SLC25A48: variants seen among roughly 807,000 people sequenced by gnomAD.
SLC25A48 encodes CTC-321K16.1.
A neutral mutation model predicts 32.2 loss-of-function variants in SLC25A48; 29 were observed. The observed-to-expected ratio is 0.90, with a 90% CI of 0.67 to 1.23. SLC25A48 has a LOEUF of 1.23. Ranked by LOEUF, SLC25A48 falls within the 50% of genes most tolerant of loss-of-function variation. The pLI, the probability that SLC25A48 is intolerant of heterozygous loss-of-function variation, is 0.00. For synonymous variants in SLC25A48, 164 were observed against 172.3 expected, an observed-to-expected ratio of 0.95 and a Z score of 0.38; for missense variants, 399 against 422.7, an observed-to-expected ratio of 0.94 and a Z score of 0.49.
At chr5:135,719,275 C>T (rs536643693) in intron 3 of SLC25A48, among the ~76,000 whole-genome samples, 1 of 152,298 alleles carries the variant, frequency 6.6e-6, no homozygotes, top group East Asian at 1.9e-4. Flanking sequence ...TTTCCTAGAA[C>T]CCACTCTCTC....
In SLC25A48 at chr5:135,852,723, T is replaced by G; in HGVS notation, c.323T>G (p.Leu108Arg). 6.2e-7 allele frequency: 1 copy of G among 1,614,152 alleles called. No homozygotes were observed. The highest frequency in any genetic ancestry group is 8.5e-7 in the Non-Finnish European group (1 of 1,180,036). Residue 108 changes from leucine to arginine, a missense_variant, in exon 4 of 8, where the codon CTG (leucine) becomes CGG (arginine). Coordinates refer to ENST00000681962, the MANE Select transcript of SLC25A48 (RefSeq NM_001349336.2). ...CCCCGCACGCTGTCAGACCTGCTCC[T>G]GGCCAGCATGGTGGCCGGCGTGGTC... The part of the protein sequence containing the change: ...SPPRTLSDLL[L>R]ASMVAGVVSV...
At position 135,781,392 on chromosome 5, in the gene SLC25A48, G is replaced by A. The variant is rs1282175634; in HGVS notation, c.-520-31131G>A. ...TGTGATCTGGTTCATAATATACAGG[G>A]GGTAGAGGATGATATTACACCCAAC... On this transcript the variant is annotated intron_variant, in intron 3 of 10. Transcript: ENST00000646290. 5.1e-5 allele frequency among the ~76,000 whole-genome samples: 6 copies of A among 116,932 alleles called. 1 individual carries two copies. The highest frequency in any genetic ancestry group is 1.6e-4 in the African/African-American group (6 of 38,410). The allele number at this position is 116,932 out of a possible 152,430, so 76.7% of individuals were successfully genotyped here.
At chr5:135,746,364 A>C (rs1273931787) in intron 3 of SLC25A48, 1 of 163,866 alleles carries the variant, frequency 6.1e-6, no homozygotes, top group African/African-American at 2.4e-5. Flanking sequence ...GAAAGTCTGC[A>C]CAGAGACAAG....
At chr5:135,622,217 A>T (rs1240835634) in intron 1 of SLC25A48, among the ~76,000 whole-genome samples, 1 of 152,216 alleles carries the variant, frequency 6.6e-6, no homozygotes, top group African/African-American at 2.4e-5. Context: ...GCACTTTGAT[A>T]TTCAGGGGAT....
intron 3 of SLC25A48, among the ~76,000 whole-genome samples, chr5:135,645,978 C>T (rs187253880): frequency 4.6e-5 from 7 of 152,094 alleles, no homozygotes; most frequent in Non-Finnish European, 5.9e-5. Context: ...ATAAGATGGC[C>T]ACAGGAATTC....
chr5:135,864,016 C>T (rs1185322152), intron 4 of SLC25A48, among the ~76,000 whole-genome samples: 1 of 152,100 alleles, frequency 6.6e-6, no homozygotes, highest in Non-Finnish European at 1.5e-5. Context: ...ATACTGAAGA[C>T]CATATGGATA....
rs551736129 is a variant in SLC25A48, at chr5:135,721,391, T to TG, written c.-521+86439dup. Among the ~76,000 whole-genome samples, 825 of 151,718 alleles carry TG rather than the reference T, an allele frequency of 5.4e-3. 11 individuals are homozygous for TG. The highest frequency in any genetic ancestry group is 0.019 in the African/African-American group (792 of 41,370). On this transcript the variant is annotated intron_variant, in intron 3 of 10. Coordinates refer to the SLC25A48 transcript ENST00000646290. ...TAATTTTTTGTATTTTTAGTAGAGA[T>TG]GGGGTTTTCCCATGTTGGCCAGGCT...
chr5:135,800,625 T>C lies in SLC25A48; in HGVS notation c.-520-11898T>C, dbSNP rs139942781. On this transcript the variant is annotated intron_variant, in intron 3 of 10. Coordinates refer to the SLC25A48 transcript ENST00000646290. ...ACACCCACCCTCCCGGGTGATGTTGTTTCTAATATCCAGAGGGGAGAATAT... is the reference window on the plus strand; with the variant it reads ...ACACCCACCCTCCCGGGTGATGTTGCTTCTAATATCCAGAGGGGAGAATAT... 9.1e-4 allele frequency among the ~76,000 whole-genome samples: 138 copies of C among 151,874 alleles called. 1 individual carries two copies. In the East Asian group the frequency reaches 0.025, roughly 27 times the overall value.
chr5:135,647,756 A>G (rs1427711228), intron 3 of SLC25A48, among the ~76,000 whole-genome samples: 1 of 152,164 alleles, frequency 6.6e-6, no homozygotes, highest in Non-Finnish European at 1.5e-5. Flanking sequence ...CACCATCCCA[A>G]GCCAGTGCCA....
At chr5:135,644,067 T>C (rs1752902650) in intron 3 of SLC25A48, among the ~76,000 whole-genome samples, 1 of 152,076 alleles carries the variant, frequency 6.6e-6, no homozygotes, top group Admixed American at 6.5e-5. Flanking sequence ...TTACACACTG[T>C]GCTATGGAGG....
chr5:135,744,432 C>T (rs187379925), intron 3 of SLC25A48, among the ~76,000 whole-genome samples: 1,424 of 137,158 alleles, frequency 0.01, 14 homozygotes, highest in Non-Finnish European at 0.016. Context: ...CTCACTGCAA[C>T]CTCCACCTCC....
intron 4 of SLC25A48, among the ~76,000 whole-genome samples, chr5:135,818,121 C>CTA (rs1561507499): frequency 3.9e-5 from 5 of 129,538 alleles, no homozygotes; most frequent in African/African-American, 1.5e-4. Flanking sequence ...CTCTCTCTCC[C>CTA]TCTGTTTCTG....
intron 1 of SLC25A48, among the ~76,000 whole-genome samples, chr5:135,585,147 A>G (rs929312449): frequency 6.6e-6 from 1 of 152,076 alleles, no homozygotes; most frequent in African/African-American, 2.4e-5. Context: ...CCATCTTTAG[A>G]GCTGTCCCCC....
chr5:135,654,560 A>G (rs948321788), intron 3 of SLC25A48, among the ~76,000 whole-genome samples: 1 of 152,226 alleles, frequency 6.6e-6, no homozygotes, highest in African/African-American at 2.4e-5. Context: ...GCTCAGGAAG[A>G]AACACTGGAC....
chr5:135,656,226 G>A (rs375294987), intron 3 of SLC25A48, among the ~76,000 whole-genome samples: 14 of 152,210 alleles, frequency 9.2e-5, no homozygotes, highest in East Asian at 3.9e-4. Context: ...CCAATCCCCC[G>A]CTATCCTGGG....
intron 3 of SLC25A48, among the ~76,000 whole-genome samples, chr5:135,729,350 A>G (rs1236235436): frequency 6.6e-6 from 1 of 151,922 alleles, no homozygotes; most frequent in Non-Finnish European, 1.5e-5. Flanking sequence ...GATGTTGAGG[A>G]AAGATTTTTT....
At chr5:135,747,513 T>C (rs902585962) in intron 3 of SLC25A48, among the ~76,000 whole-genome samples, 3 of 152,148 alleles carry the variant, frequency 2.0e-5, no homozygotes, top group African/African-American at 7.2e-5. Context: ...AATAAGATAT[T>C]TCAGTCATCC....
intron 3 of SLC25A48, among the ~76,000 whole-genome samples, chr5:135,743,157 C>T (rs1271430082): frequency 2.9e-5 from 4 of 136,234 alleles, no homozygotes; most frequent in Non-Finnish European, 6.3e-5. Flanking sequence ...CACTGCAACC[C>T]ACCTCCTGGG....
intron 3 of SLC25A48, among the ~76,000 whole-genome samples, chr5:135,735,476 G>A (rs1253641344): frequency 6.6e-6 from 1 of 152,204 alleles, no homozygotes; most frequent in African/African-American, 2.4e-5. Flanking sequence ...GCCATGAACT[G>A]GGCTGAGTTT....
Sources: allele counts gnomAD v4.1 joint callset (sites outside exome capture counted in the v4.1 genomes callset), GRCh38; gene constraint gnomAD v4.1.1; transcripts MANE v1.5; gene names NCBI Gene and HGNC (gene_info 2026-07-23, HGNC 2026-07-21).